The following SGCG variants were observed in gnomAD, a reference collection of about 807,000 sequenced individuals.
SGCG encodes gamma-sarcoglycan.
In SGCG, 26 loss-of-function variants were observed where a neutral mutation model predicts 29.3. That is an observed-to-expected ratio of 0.89 (90% CI 0.65 to 1.23). SGCG has a LOEUF of 1.23. Among genes scored for constraint, SGCG ranks in the 50% most tolerant of loss-of-function variants. The pLI is 0.00. For synonymous variants in SGCG, 145 were observed against 129.7 expected (o/e 1.12, Z -0.80); for missense variants, 353 against 356.0 (o/e 0.99, Z 0.07).
chr13:23,302,387 G>A (rs1327403628), intron 6 of SGCG, among the ~76,000 whole-genome samples: 2 of 151,954 alleles, frequency 1.3e-5, no homozygotes, highest in Non-Finnish European at 2.9e-5. Context: ...ACCCTACAGT[G>A]CTATAGCACA....
upstream of SGCG, among the ~76,000 whole-genome samples, chr13:23,176,405 A>G (rs1876555980): frequency 6.6e-6 from 1 of 152,112 alleles, no homozygotes; most frequent in South Asian, 2.1e-4. Context: ...TTTGCTTTAT[A>G]TATTTGGGTG....
At chr13:23,323,389 G>A (rs982033459) in intron 7 of SGCG, among the ~76,000 whole-genome samples, 3 of 152,326 alleles carry the variant, frequency 2.0e-5, no homozygotes, top group East Asian at 3.9e-4. Context: ...GGTGCACACC[G>A]GCGAATGCGT....
intron 1 of SGCG, among the ~76,000 whole-genome samples, chr13:23,183,738 G>C (rs1440903016): frequency 1.3e-5 from 2 of 151,918 alleles, no homozygotes; most frequent in African/African-American, 4.8e-5. Context: ...GCATGATCTC[G>C]GCTCACTGCA....
intron 2 of SGCG, among the ~76,000 whole-genome samples, chr13:23,233,027 A>G (rs770858344): frequency 6.6e-6 from 1 of 152,204 alleles, no homozygotes; most frequent in Non-Finnish European, 1.5e-5. Flanking sequence ...AAAATTAACA[A>G]TAGAATTTGC....
rs1443082009 is a variant in SGCG, at chr13:23,275,523, T to C, written c.386-3836T>C. 2.0e-5 allele frequency among the ~76,000 whole-genome samples: 3 copies of C among 149,768 alleles called. No homozygotes were observed. The East Asian group carries it at 5.9e-4, about 29-fold the overall frequency. On this transcript the variant is annotated intron_variant, in intron 4 of 7. Coordinates refer to ENST00000218867, the MANE Select transcript of SGCG (RefSeq NM_000231.3). The stretch of plus-strand genomic sequence containing the variant: ...GTCTTTAAAAAAAAAAAAAAAGTGA[T>C]CATCTTACAGCATTTTTGGAAGGCT...
At chr13:23,286,945 T>C (rs1398708453) in intron 5 of SGCG, among the ~76,000 whole-genome samples, 1 of 152,168 alleles carries the variant, frequency 6.6e-6, no homozygotes, top group Non-Finnish European at 1.5e-5. Context: ...GAGAGCAAAA[T>C]TGCAGAAAGT....
intron 3 of SGCG, chr13:23,244,256 A>T (rs1045037704): frequency 7.9e-5 from 12 of 152,244 alleles, no homozygotes; most frequent in Admixed American, 6.5e-4. Context: ...CCGTATCAGG[A>T]TCACTGTATC....
At chr13:23,200,028 CTGTT>C (rs1877677353) in intron 1 of SGCG, among the ~76,000 whole-genome samples, 1 of 152,210 alleles carries the variant, frequency 6.6e-6, no homozygotes, top group African/African-American at 2.4e-5. Flanking sequence ...TAAACGTACT[CTGTT>C]TATGCACAGG....
chr13:23,309,341 A>T (rs757093915), intron 6 of SGCG, among the ~76,000 whole-genome samples: 4 of 152,160 alleles, frequency 2.6e-5, no homozygotes, highest in Admixed American at 6.5e-5. Context: ...CTTCTGCCTC[A>T]AATGATCCTT....
chr13:23,286,573 A>T (rs898145750), intron 5 of SGCG, among the ~76,000 whole-genome samples: 1 of 152,244 alleles, frequency 6.6e-6, no homozygotes, highest in South Asian at 2.1e-4. Flanking sequence ...CAAGCTGCAG[A>T]TAGTACTAAA....
intron 4 of SGCG, among the ~76,000 whole-genome samples, chr13:23,259,870 G>A (rs905130993): frequency 7.2e-5 from 11 of 151,958 alleles, no homozygotes; most frequent in Non-Finnish European, 1.5e-4. Context: ...GAGTTTCTTA[G>A]TCCTGAGTTC....
At chr13:23,221,678 G>A (rs1878661993) in intron 2 of SGCG, among the ~76,000 whole-genome samples, 1 of 152,072 alleles carries the variant, frequency 6.6e-6, no homozygotes, top group Admixed American at 6.6e-5. Context: ...TCAAACCTTT[G>A]TAGGGATCCT....
rs577481941 is a variant in SGCG, at chr13:23,200,726, C to T, written c.1-2969C>T. On this transcript the variant is annotated intron_variant, in intron 1 of 7. Transcript: ENST00000218867. ...GTGGTGGTGTTGGTGGGGCCTGTTA[C>T]TGAAATAGGAATGATCAGGAAGATC... is the stretch of plus-strand genomic sequence containing the variant. 9.9e-4 allele frequency among the ~76,000 whole-genome samples: 150 copies of T among 152,096 alleles called. 1 individual carries two copies. Among genetic ancestry groups the T allele is most frequent in the Middle Eastern group, 3.4e-3 (1 of 294 alleles).
rs140522098 is a variant in SGCG at position 23,317,290 on chromosome 13, C to T, written c.579-3347C>T. On this transcript the variant is annotated intron_variant, in intron 6 of 7. Transcript: ENST00000218867. ...CCATTAGGGCATCTCTTAGTATTAC[C>T]ATGCCCTGTGATTAAGGTCAATGGG... Among the ~76,000 whole-genome samples the T allele has an allele frequency of 9.0e-3, 1,372 of 152,236 alleles. 21 individuals are homozygous for T. The highest frequency in any genetic ancestry group is 0.031 in the African/African-American group (1,298 of 41,550).
intron 7 of SGCG, among the ~76,000 whole-genome samples, chr13:23,322,516 AG>A (rs1006225696): frequency 6.6e-6 from 1 of 152,070 alleles, no homozygotes; most frequent in Admixed American, 6.6e-5. Context: ...ACTGAATCTC[AG>A]GGTTTGCCAC....
At chr13:23,307,113 A>C (rs1284208378) in intron 6 of SGCG, among the ~76,000 whole-genome samples, 1 of 152,232 alleles carries the variant, frequency 6.6e-6, no homozygotes, top group Admixed American at 6.5e-5. Context: ...AAGATTAACA[A>C]GTAAGATGCA....
At chr13:23,255,856 A>G (rs895712838) in intron 4 of SGCG, among the ~76,000 whole-genome samples, 91 of 152,346 alleles carry the variant, frequency 6.0e-4, no homozygotes, top group Non-Finnish European at 1.1e-3. Context: ...ACTTAATTTA[A>G]AAAGCTGAAA....
chr13:23,213,717 ACTGT>A (rs1351864513), intron 2 of SGCG, among the ~76,000 whole-genome samples: 8 of 152,162 alleles, frequency 5.3e-5, no homozygotes, highest in Non-Finnish European at 8.8e-5. Context: ...TGAACAAAAG[ACTGT>A]CTATCATATT....
At chr13:23,248,065 A>C (rs1191296714) in intron 3 of SGCG, among the ~76,000 whole-genome samples, 1 of 151,460 alleles carries the variant, frequency 6.6e-6, no homozygotes, top group African/African-American at 2.4e-5. Flanking sequence ...ACTTGAGCCC[A>C]GGAGTTTGAG....
Sources: allele counts gnomAD v4.1 joint callset (sites outside exome capture counted in the v4.1 genomes callset), GRCh38; gene constraint gnomAD v4.1.1; transcripts MANE v1.5; gene names NCBI Gene and HGNC (gene_info 2026-07-23, HGNC 2026-07-21).